Variants in GRIK1 observed in about 807,000 individuals in gnomAD.
GRIK1 encodes the protein glutamate ionotropic receptor kainate type subunit 1.
In GRIK1, 69 loss-of-function variants were observed where a neutral mutation model predicts 105.7. That is an observed-to-expected ratio of 0.65 (90% CI 0.54 to 0.80). The LOEUF (loss-of-function observed/expected upper bound fraction) is 0.80, where lower values mean the gene tolerates loss of function less well. Among genes scored for constraint, GRIK1 ranks in the 30% least tolerant of loss-of-function variants. The pLI, the probability that GRIK1 is intolerant of heterozygous loss-of-function variation, is 0.00. For missense variants in GRIK1, 1,109 were observed against 1,167.3 expected, an observed-to-expected ratio of 0.95 and a Z score of 0.73; for synonymous variants, 438 against 431.3, an observed-to-expected ratio of 1.02 and a Z score of -0.19.
chr21:29,828,945 A>G (rs1443809047), intron 1 of GRIK1, among the ~76,000 whole-genome samples: 1 of 152,144 alleles, frequency 6.6e-6, no homozygotes, highest in East Asian at 1.9e-4. Flanking sequence ...GTTTTACTCC[A>G]AAGCAAACCT....
chr21:29,721,939 C>G (rs2064333524), intron 1 of GRIK1, among the ~76,000 whole-genome samples: 1 of 152,122 alleles, frequency 6.6e-6, no homozygotes, highest in Non-Finnish European at 1.5e-5. Flanking sequence ...GCATGACACT[C>G]ATGGGTACAA....
intron 4 of GRIK1, among the ~76,000 whole-genome samples, chr21:29,669,319 A>AGGGAAATGCAGGACAATGAT (rs2063121017): frequency 6.6e-6 from 1 of 152,200 alleles, no homozygotes; most frequent in African/African-American, 2.4e-5. Flanking sequence ...ATAAAGGTGC[A>AGGGAAATGCAGGACAATGAT]GGGAAATGCA....
intron 1 of GRIK1, among the ~76,000 whole-genome samples, chr21:29,705,134 T>C (rs1392945928): frequency 6.6e-6 from 1 of 152,240 alleles, no homozygotes; most frequent in Non-Finnish European, 1.5e-5. Context: ...TTCTTCTGTA[T>C]TTCTGTTGTT....
At chr21:29,897,229 T>C (rs2070203381) in intron 1 of GRIK1, among the ~76,000 whole-genome samples, 1 of 152,142 alleles carries the variant, frequency 6.6e-6, no homozygotes, top group African/African-American at 2.4e-5. Context: ...AAACCAAGCT[T>C]AGCTAGTTCG....
chr21:29,702,486 T>C (rs2063830604), intron 1 of GRIK1, among the ~76,000 whole-genome samples: 1 of 151,702 alleles, frequency 6.6e-6, no homozygotes, highest in Non-Finnish European at 1.5e-5. Flanking sequence ...AAGAGGCAGA[T>C]GGGTCACTTG....
Position 29,665,629 on chromosome 21 carries a change from G to A in GRIK1, c.726+7354C>T, listed in dbSNP as rs561824555. Among the ~76,000 whole-genome samples the A allele has an allele frequency of 2.0e-5, 3 of 152,274 alleles. No homozygotes were observed. The South Asian group carries it at 6.2e-4, about 32-fold the overall frequency. Reference sequence around the variant, plus strand: ...ACAAGCAAGTTCTTTATATCTAAACGCTAGTAAGAGGATTCTTGGTCACGT... The same window carrying A: ...ACAAGCAAGTTCTTTATATCTAAACACTAGTAAGAGGATTCTTGGTCACGT... On this transcript the variant is annotated intron_variant, in intron 4 of 17. Transcript: ENST00000327783.
At chr21:29,620,405 A>T (rs1241337602) in intron 7 of GRIK1, among the ~76,000 whole-genome samples, 1 of 152,154 alleles carries the variant, frequency 6.6e-6, no homozygotes, top group African/African-American at 2.4e-5. Context: ...GCAAGAATAA[A>T]ATCAGAATTG....
At chr21:29,563,858 A>T (rs977097408) in intron 14 of GRIK1, among the ~76,000 whole-genome samples, 2 of 152,196 alleles carry the variant, frequency 1.3e-5, no homozygotes, top group African/African-American at 4.8e-5. Context: ...AAAAGTCACA[A>T]AGCAAGTTAA....
chr21:29,902,293 C>T (rs2070440707), intron 1 of GRIK1, among the ~76,000 whole-genome samples: 1 of 152,150 alleles, frequency 6.6e-6, no homozygotes, highest in Admixed American at 6.5e-5. Flanking sequence ...GAAGTTCTGG[C>T]CAGGGCAATC....
chr21:29,604,049 G>A (rs1171373692), intron 7 of GRIK1, among the ~76,000 whole-genome samples: 4 of 152,104 alleles, frequency 2.6e-5, no homozygotes, highest in African/African-American at 4.8e-5. Flanking sequence ...TATCTCTTAG[G>A]GGAGCATATG....
intron 1 of GRIK1, among the ~76,000 whole-genome samples, chr21:29,811,694 C>T (rs1276276422): frequency 6.6e-6 from 1 of 152,114 alleles, no homozygotes; most frequent in Non-Finnish European, 1.5e-5. Context: ...CTTGCTCATC[C>T]TCACTCAAAA....
At chr21:29,725,585 A>G (rs2064436454) in intron 1 of GRIK1, among the ~76,000 whole-genome samples, 2 of 152,244 alleles carry the variant, frequency 1.3e-5, no homozygotes, top group African/African-American at 4.8e-5. Context: ...ACTGCATACG[A>G]CCAGGTGTAG....
chr21:29,676,647 G>A (rs1420723652), intron 3 of GRIK1, among the ~76,000 whole-genome samples: 1 of 152,116 alleles, frequency 6.6e-6, no homozygotes, highest in Admixed American at 6.6e-5. Context: ...GAATGGTGAA[G>A]GTGCATGTAA....
intron 1 of GRIK1, chr21:29,763,928 A>C (rs967836317): frequency 2.0e-5 from 3 of 151,802 alleles, no homozygotes; most frequent in Non-Finnish European, 4.4e-5. Context: ...TCCAAAGCTC[A>C]TGTATTTCCT....
At chr21:29,861,583 A>C in intron 1 of GRIK1, 1 of 357,570 alleles carries the variant, frequency 2.8e-6, no homozygotes, top group Non-Finnish European at 5.5e-6. Context: ...GTGGGATTAT[A>C]GGTGTGAGCC....
intron 1 of GRIK1, among the ~76,000 whole-genome samples, chr21:29,853,495 G>A (rs1258231039): frequency 6.6e-6 from 1 of 152,140 alleles, no homozygotes; most frequent in East Asian, 1.9e-4. Flanking sequence ...ATCTCTTGGG[G>A]GCAAAATTGC....
At chr21:29,751,024 G>A (rs1339047047) in intron 1 of GRIK1, among the ~76,000 whole-genome samples, 1 of 152,116 alleles carries the variant, frequency 6.6e-6, no homozygotes, top group Non-Finnish European at 1.5e-5. Context: ...GGCAGGCAGG[G>A]ACAGGGGTCA....
chr21:29,918,804 T>C (rs1285869946), intron 1 of GRIK1, among the ~76,000 whole-genome samples: 4 of 152,018 alleles, frequency 2.6e-5, no homozygotes, highest in East Asian at 1.9e-4. Context: ...TGCACACTTA[T>C]GTTATCTTTA....
intron 1 of GRIK1, among the ~76,000 whole-genome samples, chr21:29,848,779 A>ATATATATTTT: frequency 0.011 from 822 of 77,848 alleles, 7 homozygotes; most frequent in Middle Eastern, 0.026. Context: ...ATATATATAT[A>ATATATATTTT]TTTTTTTTTT....
Sources: gnomAD v4.1 joint callset for allele counts (sites outside exome capture counted in the v4.1 genomes callset) on GRCh38, gnomAD v4.1.1 for gene constraint, MANE v1.5 for transcripts, NCBI Gene and HGNC (gene_info 2026-07-23, HGNC 2026-07-21) for gene names.